Variants in ABHD18 observed in about 807,000 individuals in gnomAD.
The protein encoded by ABHD18 is abhydrolase domain containing 18.
A neutral mutation model predicts 65.9 loss-of-function variants in ABHD18; 55 were observed. That is an observed-to-expected ratio of 0.84 (90% CI 0.67 to 1.05). The LOEUF (loss-of-function observed/expected upper bound fraction) is 1.05, where lower values mean the gene tolerates loss of function less well. Among genes scored for constraint, ABHD18 ranks in the 50% least tolerant of loss-of-function variants. The probability of loss-of-function intolerance (pLI) is 0.00; values close to 1 mark genes in which losing one functional copy is unlikely to be tolerated. For synonymous variants in ABHD18, 181 were observed against 180.2 expected (o/e 1.00, Z -0.04); for missense variants, 533 against 558.5 (o/e 0.95, Z 0.46).
At chr4:128,028,401 T>A in intron 10 of ABHD18, 74 bp from the exon 11 acceptor site, 1 of 1,151,792 alleles carries the variant, frequency 8.7e-7, no homozygotes, top group Non-Finnish European at 1.2e-6. Flanking sequence ...TTGTCTTTTC[T>A]CTTTTTTTTT....
intron 12 of ABHD18, among the ~76,000 whole-genome samples, chr4:128,033,957 TTC>T (rs1340112129): frequency 1.3e-5 from 2 of 150,432 alleles, no homozygotes; most frequent in Admixed American, 6.6e-5. Context: ...ATTTTCTTTT[TTC>T]TTTTTTTTTT....
At chr4:127,969,000 T>C (rs1746218288) in intron 1 of ABHD18, among the ~76,000 whole-genome samples, 1 of 152,096 alleles carries the variant, frequency 6.6e-6, no homozygotes, top group Non-Finnish European at 1.5e-5. Flanking sequence ...TTTAAGAAGA[T>C]TTGTATGACC....
In ABHD18 at chr4:128,038,552, A is replaced by G. The variant is rs1029805778; in HGVS notation, c.*2739A>G. On this transcript the variant is annotated 3_prime_UTR_variant, in exon 13 of 13. Transcript: ENST00000645843. ...CTAACTTTTCTCAAATAAAGTGTGA[A>G]AGAAAGTATTTTTAAAATTTCATCT... 6 of 152,178 alleles carry G rather than the reference A, an allele frequency of 3.9e-5. No homozygotes were observed. Among genetic ancestry groups the G allele is most frequent in the Admixed American group, 3.9e-4 (6 of 15,262 alleles). 9.4% of individuals were successfully genotyped at this position (152,178 alleles called of 1,614,324 possible).
chr4:127,996,862 C>T (rs551765863), intron 4 of ABHD18, among the ~76,000 whole-genome samples: 3 of 152,268 alleles, frequency 2.0e-5, no homozygotes, highest in South Asian at 4.1e-4. Context: ...CTATTCTGCC[C>T]GACCCTGCAG....
At chr4:127,976,431 G>T (rs1163953168) in intron 1 of ABHD18, among the ~76,000 whole-genome samples, 4 of 151,770 alleles carry the variant, frequency 2.6e-5, no homozygotes, top group African/African-American at 4.8e-5. Flanking sequence ...ATGACATTTT[G>T]AATTTCCTCA....
At chr4:127,991,780 A>G (rs374222739) in intron 4 of ABHD18, among the ~76,000 whole-genome samples, 2 of 152,174 alleles carry the variant, frequency 1.3e-5, no homozygotes, top group East Asian at 3.8e-4. Flanking sequence ...TTCAGTCAAG[A>G]AGAGATTATT....
chr4:127,985,215 G>A (rs1278346744), intron 3 of ABHD18, among the ~76,000 whole-genome samples: 6 of 151,964 alleles, frequency 3.9e-5, no homozygotes, highest in Non-Finnish European at 5.9e-5. Flanking sequence ...AGGCAAGGAT[G>A]TTTTTGTAAT....
At chr4:128,013,496 T>C (rs1754933277) in intron 7 of ABHD18, among the ~76,000 whole-genome samples, 1 of 152,048 alleles carries the variant, frequency 6.6e-6, no homozygotes, top group African/African-American at 2.4e-5. Flanking sequence ...GTCAGGAGAT[T>C]GAGACCATCC....
Position 128,005,251 on chromosome 4 carries a change from A to T in ABHD18, c.279-3669A>T, listed in dbSNP as rs1753411974. ...TCAAAAAAAAATTGTACATATCCAA[A>T]ACATGTTGAAACTTTGGTATAAAGT... On this transcript the variant is annotated intron_variant, in intron 4 of 12. Coordinates refer to ENST00000645843, the MANE Select transcript of ABHD18 (RefSeq NM_001358451.3). Among the ~76,000 whole-genome samples, 3 of 152,256 alleles carry T rather than the reference A, an allele frequency of 2.0e-5. No individual in the cohort carries two copies. The South Asian group carries it at 6.2e-4, about 32-fold the overall frequency.
In ABHD18 at chr4:128,036,466, C is replaced by G. The variant is rs1344863822; in HGVS notation, c.*653C>G. On this transcript the variant is annotated 3_prime_UTR_variant, in exon 13 of 13. Coordinates refer to ENST00000645843, the MANE Select transcript of ABHD18 (RefSeq NM_001358451.3). Reference sequence around the variant, plus strand: ...CAAAGTGAGTGGCAGGGTGCGGTGGCTCACGCCTGTAATCCCAGCACTGGG... The same window carrying G: ...CAAAGTGAGTGGCAGGGTGCGGTGGGTCACGCCTGTAATCCCAGCACTGGG... 6.6e-6 allele frequency: 1 copy of G among 152,154 alleles called. No individual in the cohort carries two copies. Among genetic ancestry groups the G allele is most frequent in the Non-Finnish European group, 1.5e-5 (1 of 68,100 alleles). The allele number at this position is 152,154 out of a possible 1,614,324, so 9.4% of individuals were successfully genotyped here.
chr4:127,980,797 G>T (rs566427308), intron 1 of ABHD18, among the ~76,000 whole-genome samples: 1 of 129,060 alleles, frequency 7.7e-6, no homozygotes, highest in African/African-American at 3.1e-5. Context: ...CTGCGCTCCA[G>T]CCTGGGCAAC....
chr4:127,988,575 A>C (rs183521252), intron 3 of ABHD18, among the ~76,000 whole-genome samples: 2 of 152,306 alleles, frequency 1.3e-5, no homozygotes, highest in Admixed American at 1.3e-4. Context: ...AATCAGAAAC[A>C]AAAACATATC....
At chr4:128,002,463 A>G (rs1281049926) in intron 4 of ABHD18, among the ~76,000 whole-genome samples, 29 of 151,706 alleles carry the variant, frequency 1.9e-4, no homozygotes, top group Admixed American at 1.9e-3. Context: ...TATTTTTAGT[A>G]GAGACGGGGT....
intron 12 of ABHD18, among the ~76,000 whole-genome samples, chr4:128,033,568 C>T (rs952768610): frequency 7.1e-6 from 1 of 140,924 alleles, no homozygotes; most frequent in Non-Finnish European, 1.5e-5. Context: ...CAGAGTCTCC[C>T]TCTGTCACTC....
intron 12 of ABHD18, among the ~76,000 whole-genome samples, chr4:128,033,397 A>G (rs547059343): frequency 6.6e-6 from 1 of 152,186 alleles, no homozygotes; most frequent in Non-Finnish European, 1.5e-5. Context: ...TTCCCTTCTT[A>G]TGGTTCATTA....
intron 10 of ABHD18, among the ~76,000 whole-genome samples, chr4:128,024,981 T>G (rs578116788): frequency 6.5e-4 from 99 of 152,210 alleles, no homozygotes; most frequent in African/African-American, 2.2e-3. Context: ...CGTGAGCCAC[T>G]GCGCCCGGCC....
At position 128,009,210 on chromosome 4, in the gene ABHD18, T is replaced by C. The variant is rs764760689; in HGVS notation, c.442+19T>C. The C allele has an allele frequency of 1.5e-6, 2 of 1,367,962 alleles. No individual in the cohort carries two copies. The highest frequency in any genetic ancestry group is 3.0e-5 in the African/African-American group (2 of 65,922). The allele number at this position is 1,367,962 out of a possible 1,614,324, so 84.7% of individuals were successfully genotyped here. On this transcript the variant is annotated intron_variant, in intron 6 of 12. Transcript: ENST00000645843. Reference sequence around the variant, plus strand: ...CCTTATTATATCCTTTTGTGATATCTAAGAAATCTTTTGCCTTGTTTATTT... The same window carrying C: ...CCTTATTATATCCTTTTGTGATATCCAAGAAATCTTTTGCCTTGTTTATTT...
chr4:127,982,830 C>G, intron 1 of ABHD18, 109 bp from the exon 2 acceptor site: 2 of 580,710 alleles, frequency 3.4e-6, no homozygotes, highest in Non-Finnish European at 5.9e-6. Flanking sequence ...GGAATTAATT[C>G]GTCTCAATCT....
chr4:128,015,632 A>G (rs1755350992), intron 7 of ABHD18, among the ~76,000 whole-genome samples: 1 of 152,152 alleles, frequency 6.6e-6, no homozygotes. Context: ...TCCCTTCTGG[A>G]CTTAGAGCTC....
Sources: gnomAD v4.1 joint callset for allele counts (sites outside exome capture counted in the v4.1 genomes callset) on GRCh38, gnomAD v4.1.1 for gene constraint, MANE v1.5 for transcripts, NCBI Gene and HGNC (gene_info 2026-07-23, HGNC 2026-07-21) for gene names.